Variants in PIK3CG observed in about 807,000 individuals in gnomAD.
PIK3CG encodes phosphatidylinositol-4,5-bisphosphate 3-kinase catalytic subunit gamma.
In PIK3CG, 55 loss-of-function variants were observed where a neutral mutation model predicts 102.3. That is an observed-to-expected ratio of 0.54 (90% CI 0.43 to 0.67). The LOEUF (loss-of-function observed/expected upper bound fraction) is 0.67, where lower values mean the gene tolerates loss of function less well. Among genes scored for constraint, PIK3CG ranks in the 30% least tolerant of loss-of-function variants. The pLI is 0.00. For synonymous variants in PIK3CG, 552 were observed against 540.0 expected, an observed-to-expected ratio of 1.02 and a Z score of -0.31; for missense variants, 1,258 against 1,391.8, an observed-to-expected ratio of 0.90 and a Z score of 1.53.
At position 106,879,479 on chromosome 7, in the gene PIK3CG, A is replaced by T. The variant is rs1790868873; in HGVS notation, c.2392-40A>T. ...TGTGTCTCCACCATGTATATTCGTT[A>T]TTCATTGTGTGTGGGGAATATGTGA... On this transcript the variant is annotated intron_variant, in intron 5 of 10. Coordinates refer to ENST00000496166, the MANE Select transcript of PIK3CG (RefSeq NM_001282426.2). The surrounding 1 kb of genome is among the most constrained non-coding windows in gnomAD (Gnocchi z 4.9). The T allele has an allele frequency of 6.5e-7, 1 of 1,546,786 alleles. No individual in the cohort carries two copies. Among genetic ancestry groups the T allele is most frequent in the Non-Finnish European group, 8.9e-7 (1 of 1,119,556 alleles).
At chr7:106,876,653 G>A (rs1045199975) in intron 5 of PIK3CG, among the ~76,000 whole-genome samples, 4 of 150,692 alleles carry the variant, frequency 2.7e-5, no homozygotes, top group African/African-American at 7.3e-5. Flanking sequence ...CACCTGCCTC[G>A]GCCTCCCAAA....
rs370986483 is a variant in PIK3CG at position 106,898,954 on chromosome 7, G to A, written c.3031-6155G>A. 4.4e-4 allele frequency among the ~76,000 whole-genome samples: 67 copies of A among 152,078 alleles called. 4 individuals are homozygous for A. In the South Asian group the frequency reaches 0.011, roughly 24 times the overall value. On this transcript the variant is annotated intron_variant, in intron 10 of 10. Transcript: ENST00000496166. ...TAGAAATAGCATTGAATTCCTTTGG[G>A]CAGTATAGCCATTTTAATGATATTG...
rs1056484736 is a variant in PIK3CG, at chr7:106,891,158, G to A, written c.3030+4866G>A. Reference sequence around the variant, plus strand: ...TAAGCACTCAGTAGGTGTTTGCTGAGTGGAGTAGTGGAGGGACAGCACCTT... The same window carrying A: ...TAAGCACTCAGTAGGTGTTTGCTGAATGGAGTAGTGGAGGGACAGCACCTT... On this transcript the variant is annotated intron_variant, in intron 10 of 10. Coordinates refer to ENST00000496166, the MANE Select transcript of PIK3CG (RefSeq NM_001282426.2). This position sits in a 1 kb window ranked among gnomAD's most constrained non-coding sequence, Gnocchi z 4.4. Among the ~76,000 whole-genome samples the A allele has an allele frequency of 2.6e-5, 4 of 152,204 alleles. No homozygotes were observed. Among genetic ancestry groups the A allele is most frequent in the Non-Finnish European group, 4.4e-5 (3 of 68,036 alleles).
rs748545866 is a variant in PIK3CG, at chr7:106,879,613, G to A, written c.2486G>A (p.Gly829Glu). ...ACAGCCCTATCAAATGAAACAATTGGAATTATCTTTAAACATGGTGATGAT... is the reference window on the plus strand; with the variant it reads ...ACAGCCCTATCAAATGAAACAATTGAAATTATCTTTAAACATGGTGATGAT... The part of the protein sequence containing the change: ...DPTALSNETI[G>E]IIFKHGDDLR... The change falls in exon 6 of 11, where the codon GGA becomes GAA. Residue 829 changes from glycine (G) to glutamate (E), a missense_variant. Gly to Glu is a moderately conservative substitution (Grantham distance 98, BLOSUM62 -2). Coordinates refer to ENST00000496166, the MANE Select transcript of PIK3CG (RefSeq NM_001282426.2). This position sits in a 1 kb window ranked among gnomAD's most constrained non-coding sequence, Gnocchi z 4.9. 1.2e-6 allele frequency: 2 copies of A among 1,612,982 alleles called. No homozygotes were observed. The highest frequency in any genetic ancestry group is 1.7e-6 in the Non-Finnish European group (2 of 1,179,034).
At chr7:106,901,254 C>CT in intron 10 of PIK3CG, among the ~76,000 whole-genome samples, 2 of 150,032 alleles carry the variant, frequency 1.3e-5, no homozygotes, top group Middle Eastern at 3.4e-3. Context: ...TTTTTCATTT[C>CT]TTTTTTTTCT....
At chr7:106,871,674 T>TTG (rs397741721) in intron 2 of PIK3CG, among the ~76,000 whole-genome samples, 1 of 150,722 alleles carries the variant, frequency 6.6e-6, no homozygotes, top group African/African-American at 2.4e-5. Context: ...TGAACAATGT[T>TTG]AGTGTTGCTG....
rs1196351407 is a variant in PIK3CG, at chr7:106,879,181, G to C, written c.2392-338G>C. 6.6e-6 allele frequency among the ~76,000 whole-genome samples: 1 copy of C among 152,148 alleles called. No homozygotes were observed. The highest frequency in any genetic ancestry group is 1.5e-5 in the Non-Finnish European group (1 of 68,020). ...AGAAGGCGGACAAATATAATAGCCA[G>C]GTTGCTGTCTATTAAAGAGGATGTG... On this transcript the variant is annotated intron_variant, in intron 5 of 10. Coordinates refer to ENST00000496166, the MANE Select transcript of PIK3CG (RefSeq NM_001282426.2). This position sits in a 1 kb window ranked among gnomAD's most constrained non-coding sequence, Gnocchi z 4.9.
Position 106,868,936 on chromosome 7 carries a change from C to G in PIK3CG, c.1375C>G (p.Gln459Glu), listed in dbSNP as rs2116453650. The G allele has an allele frequency of 6.2e-7, 1 of 1,614,214 alleles. No individual in the cohort carries two copies. The highest frequency in any genetic ancestry group is 1.1e-5 in the South Asian group (1 of 91,088). The part of the protein sequence containing the change: ...SPSSESKGKV[Q>E]LLYYVNLLLI... The stretch of plus-strand genomic sequence containing the variant: ...CAGTTCTGAGTCCAAGGGCAAAGTT[C>G]AGCTTCTCTATTATGTGAACCTGCT... The change falls in exon 2 of 11, where the codon CAG becomes GAG. Residue 459 changes from glutamine to glutamate, a missense_variant. Transcript: ENST00000496166. This position sits in a 1 kb window ranked among gnomAD's most constrained non-coding sequence, Gnocchi z 6.2.
At chr7:106,882,070 A>G (rs1438284929) in intron 6 of PIK3CG, 47 bp from the exon 7 acceptor site, 2 of 779,170 alleles carry the variant, frequency 2.6e-6, no homozygotes, top group African/African-American at 1.8e-5. Flanking sequence ...AAAATATATT[A>G]AGTTAATATA....
chr7:106,881,077 A>G (rs539718349), intron 6 of PIK3CG, among the ~76,000 whole-genome samples: 1 of 152,304 alleles, frequency 6.6e-6, no homozygotes, highest in South Asian at 2.1e-4. Context: ...TCTCTGGGCC[A>G]GGCACTAGCC....
chr7:106,878,897 T>C (rs1384964955), intron 5 of PIK3CG, among the ~76,000 whole-genome samples: 1 of 152,238 alleles, frequency 6.6e-6, no homozygotes, highest in Non-Finnish European at 1.5e-5. Context: ...AATTTTGATC[T>C]GTGGTGAACT....
At chr7:106,887,421 A>AGGGACTC (rs1791131531) in intron 10 of PIK3CG, among the ~76,000 whole-genome samples, 1 of 152,132 alleles carries the variant, frequency 6.6e-6, no homozygotes, top group Admixed American at 6.5e-5. Context: ...TCTTGAGTCC[A>AGGGACTC]AGGTTACCCT....
In PIK3CG at chr7:106,879,186, C is replaced by T. The variant is rs563671236; in HGVS notation, c.2392-333C>T. Among the ~76,000 whole-genome samples, 15 of 152,142 alleles carry T rather than the reference C, an allele frequency of 9.9e-5. No homozygotes were observed. Among genetic ancestry groups the T allele is most frequent in the South Asian group, 4.2e-4 (2 of 4,810 alleles). ...GCGGACAAATATAATAGCCAGGTTG[C>T]TGTCTATTAAAGAGGATGTGGGAGT... On this transcript the variant is annotated intron_variant, in intron 5 of 10. Transcript: ENST00000496166. The surrounding 1 kb of genome is among the most constrained non-coding windows in gnomAD (Gnocchi z 4.9).
chr7:106,891,267 T>C lies in PIK3CG; in HGVS notation c.3030+4975T>C, dbSNP rs1439310698. Reference sequence around the variant, plus strand: ...ACATTGTATTCTGTGAGTTTCACAATAACTCAGGCCCAGATTGACAGACCA... The same window carrying C: ...ACATTGTATTCTGTGAGTTTCACAACAACTCAGGCCCAGATTGACAGACCA... On this transcript the variant is annotated intron_variant, in intron 10 of 10. Coordinates refer to ENST00000496166, the MANE Select transcript of PIK3CG (RefSeq NM_001282426.2). This position sits in a 1 kb window ranked among gnomAD's most constrained non-coding sequence, Gnocchi z 4.4. Among the ~76,000 whole-genome samples the C allele has an allele frequency of 1.3e-5, 2 of 152,208 alleles. No homozygotes were observed. Among genetic ancestry groups the C allele is most frequent in the Admixed American group, 1.3e-4 (2 of 15,290 alleles).
At chr7:106,886,691 A>G (rs563812663) in intron 10 of PIK3CG, among the ~76,000 whole-genome samples, 1 of 152,274 alleles carries the variant, frequency 6.6e-6, no homozygotes, top group East Asian at 1.9e-4. Flanking sequence ...CAGAACTCAC[A>G]AAAGGTTGTG....
At position 106,905,674 on chromosome 7, in the gene PIK3CG, C is replaced by A; in HGVS notation, c.*287C>A. On this transcript the variant is annotated 3_prime_UTR_variant, in exon 11 of 11. Coordinates refer to ENST00000496166, the MANE Select transcript of PIK3CG (RefSeq NM_001282426.2). The surrounding 1 kb of genome is among the most constrained non-coding windows in gnomAD (Gnocchi z 5.6). ...AACAGACTAATGACTTCCTTATTGT[C>A]CCTGATATTTTGACTATCTTACTAT... The A allele has an allele frequency of 2.7e-6, 1 of 368,288 alleles. No homozygotes were observed. The highest frequency in any genetic ancestry group is 5.9e-5 in the South Asian group (1 of 16,876). 22.8% of individuals were successfully genotyped at this position (368,288 alleles called of 1,614,324 possible).
chr7:106,904,819 A>G (rs979222295), intron 10 of PIK3CG, among the ~76,000 whole-genome samples: 2 of 152,192 alleles, frequency 1.3e-5, no homozygotes, highest in Admixed American at 6.5e-5. Flanking sequence ...TCTACCCTCA[A>G]TCTCTTGGGA....
chr7:106,883,535 A>C lies in PIK3CG; in HGVS notation c.2760+372A>C, dbSNP rs776571605. Among the ~76,000 whole-genome samples, 1 of 152,232 alleles carries C rather than the reference A, an allele frequency of 6.6e-6. No individual in the cohort carries two copies. The highest frequency in any genetic ancestry group is 1.5e-5 in the Non-Finnish European group (1 of 68,040). On this transcript the variant is annotated intron_variant, in intron 8 of 10. Coordinates refer to ENST00000496166, the MANE Select transcript of PIK3CG (RefSeq NM_001282426.2). The surrounding 1 kb of genome is among the most constrained non-coding windows in gnomAD (Gnocchi z 5.8). ...TACGTACCTGGGAAATACAACATAC[A>C]CAACAAAGTAATTTATAATTTACTG...
intron 2 of PIK3CG, among the ~76,000 whole-genome samples, chr7:106,870,385 A>T (rs1180769864): frequency 6.6e-6 from 1 of 152,224 alleles, no homozygotes; most frequent in Admixed American, 6.5e-5. Flanking sequence ...AGCAGTTCTC[A>T]ACTTATATTG....
Sources: allele counts gnomAD v4.1 joint callset (sites outside exome capture counted in the v4.1 genomes callset), GRCh38; gene constraint gnomAD v4.1.1; non-coding constraint Gnocchi (gnomAD v3.1); transcripts MANE v1.5; gene names NCBI Gene and HGNC (gene_info 2026-07-23, HGNC 2026-07-21).